CACNA2D1: variants seen among roughly 807,000 people sequenced by gnomAD.
CACNA2D1 encodes voltage-dependent calcium channel subunit alpha-2/delta-1.
CACNA2D1 carries 53 observed loss-of-function variants against 171.5 expected under a neutral mutation model. The observed-to-expected ratio is 0.31, with a 90% CI of 0.25 to 0.39. The LOEUF is 0.39. Ranked by LOEUF, CACNA2D1 falls within the 10% of genes least tolerant of loss-of-function variation. CACNA2D1 has a pLI of 1.00. For missense variants in CACNA2D1, 903 were observed against 1,299.8 expected, an observed-to-expected ratio of 0.69 and a Z score of 4.69; for synonymous variants, 442 against 443.1, an observed-to-expected ratio of 1.00 and a Z score of 0.03.
chr7:82,395,940 A>G (rs1825712368), intron 1 of CACNA2D1, among the ~76,000 whole-genome samples: 2 of 152,190 alleles, frequency 1.3e-5, no homozygotes, highest in African/African-American at 4.8e-5. Context: ...AAGGGAGATG[A>G]TATATGTGAA....
intron 3 of CACNA2D1, among the ~76,000 whole-genome samples, chr7:82,235,032 C>A (rs568048251): frequency 6.6e-6 from 1 of 152,096 alleles, no homozygotes. Context: ...AACCTGATGA[C>A]CTGAGGTGAA....
chr7:82,060,171 TATATATA>T (rs1562981132), intron 10 of CACNA2D1, among the ~76,000 whole-genome samples: 1 of 29,580 alleles, frequency 3.4e-5, no homozygotes, highest in Non-Finnish European at 5.9e-5. Context: ...ATATAATATA[TATATATA>T]ATATATATAT....
At chr7:82,033,708 T>C (rs921746149) in intron 11 of CACNA2D1, among the ~76,000 whole-genome samples, 1 of 152,094 alleles carries the variant, frequency 6.6e-6, no homozygotes, top group Non-Finnish European at 1.5e-5. Flanking sequence ...TCTTACACTT[T>C]AAGGTCTCCA....
intron 3 of CACNA2D1, among the ~76,000 whole-genome samples, chr7:82,254,500 C>T (rs926677617): frequency 3.9e-5 from 6 of 151,984 alleles, no homozygotes; most frequent in African/African-American, 1.2e-4. Flanking sequence ...TTAATTAATA[C>T]ATCCATCATC....
intron 38 of CACNA2D1, among the ~76,000 whole-genome samples, chr7:81,951,827 G>A (rs1165304980): frequency 6.6e-6 from 1 of 151,988 alleles, no homozygotes; most frequent in African/African-American, 2.4e-5. Flanking sequence ...TTCATAAAAT[G>A]ACTTCTTTTC....
intron 1 of CACNA2D1, among the ~76,000 whole-genome samples, chr7:82,368,293 C>T (rs994505954): frequency 1.1e-4 from 17 of 152,178 alleles, no homozygotes; most frequent in Non-Finnish European, 2.2e-4. Context: ...TTAGATTCTT[C>T]AGAGAAAAGC....
intron 4 of CACNA2D1, among the ~76,000 whole-genome samples, chr7:82,150,422 TAAAA>T (rs3839798): frequency 2.1e-5 from 3 of 140,730 alleles, no homozygotes; most frequent in Admixed American, 7.1e-5. Flanking sequence ...AGCTTTCCCT[TAAAA>T]AAAAAAAAAA....
At chr7:82,161,558 A>G (rs937403362) in intron 4 of CACNA2D1, among the ~76,000 whole-genome samples, 6 of 152,182 alleles carry the variant, frequency 3.9e-5, no homozygotes, top group African/African-American at 1.4e-4. Context: ...GATTAACTAC[A>G]TGTGGAGTTA....
chr7:82,204,467 T>C (rs530831551), intron 3 of CACNA2D1, among the ~76,000 whole-genome samples: 183 of 152,224 alleles, frequency 1.2e-3, no homozygotes, highest in Non-Finnish European at 3.1e-4. Flanking sequence ...CCCTTAAAGG[T>C]AGGGAAATAA....
At chr7:82,265,952 G>C (rs569737488) in intron 3 of CACNA2D1, among the ~76,000 whole-genome samples, 1 of 151,972 alleles carries the variant, frequency 6.6e-6, no homozygotes, top group East Asian at 1.9e-4. Context: ...CTCCAACTCC[G>C]TCTGTATGAT....
At chr7:82,382,971 C>T (rs1823875216) in intron 1 of CACNA2D1, among the ~76,000 whole-genome samples, 1 of 152,132 alleles carries the variant, frequency 6.6e-6, no homozygotes, top group Non-Finnish European at 1.5e-5. Flanking sequence ...GACATTCAGC[C>T]ATTCAATACT....
At chr7:82,272,377 G>C (rs1156373474) in intron 3 of CACNA2D1, among the ~76,000 whole-genome samples, 1 of 152,164 alleles carries the variant, frequency 6.6e-6, no homozygotes, top group East Asian at 1.9e-4. Context: ...TTACTGTAGT[G>C]GCTTAAACAT....
At chr7:82,424,943 T>C (rs974046928) in intron 1 of CACNA2D1, among the ~76,000 whole-genome samples, 4 of 152,208 alleles carry the variant, frequency 2.6e-5, no homozygotes, top group East Asian at 1.9e-4. Flanking sequence ...CTGTCTAATA[T>C]AACACTTGTG....
chr7:82,092,682 C>G (rs1280724886), intron 6 of CACNA2D1, among the ~76,000 whole-genome samples: 1 of 151,512 alleles, frequency 6.6e-6, no homozygotes, highest in Non-Finnish European at 1.5e-5. Context: ...TGTGAGCCAC[C>G]ATGCCCGGCC....
At chr7:82,279,013 C>T (rs1239834205) in intron 3 of CACNA2D1, among the ~76,000 whole-genome samples, 1 of 152,172 alleles carries the variant, frequency 6.6e-6, no homozygotes, top group African/African-American at 2.4e-5. Context: ...AAGCTTCCAA[C>T]CTTCCCTCAG....
intron 7 of CACNA2D1, among the ~76,000 whole-genome samples, chr7:82,071,740 A>G (rs895665803): frequency 1.3e-5 from 2 of 152,156 alleles, no homozygotes; most frequent in Non-Finnish European, 2.9e-5. Context: ...AGTCCTCAAG[A>G]CTGCCCTGCC....
chr7:82,038,260 T>C (rs1803544881), intron 10 of CACNA2D1, 25 bp from the exon 11 acceptor site: 1 of 1,592,468 alleles, frequency 6.3e-7, no homozygotes, highest in South Asian at 1.1e-5. Flanking sequence ...AAAGTAAATA[T>C]ATAAATGAAC....
chr7:82,245,656 T>C lies in CACNA2D1; in HGVS notation c.295-75047A>G, dbSNP rs1187738043. 4.5e-3 allele frequency among the ~76,000 whole-genome samples: 219 copies of C among 48,808 alleles called. 1 individual carries two copies. Among genetic ancestry groups the C allele is most frequent in the African/African-American group, 0.031 (212 of 6,938 alleles). 32.0% of individuals were successfully genotyped at this position (48,808 alleles called of 152,430 possible). A position where few individuals can be genotyped will look rare whatever the true frequency, so the allele number is the denominator to read the frequency against. On this transcript the variant is annotated intron_variant, in intron 3 of 38. Transcript: ENST00000356860. ...CACACAAAATGTCTCTCTCTCTCTC[T>C]CTCTCTCACACACACACACACACAC...
chr7:82,322,560 A>G (rs1022474755), intron 3 of CACNA2D1, among the ~76,000 whole-genome samples: 1 of 152,076 alleles, frequency 6.6e-6, no homozygotes, highest in Non-Finnish European at 1.5e-5. Context: ...TCAAGGTTGC[A>G]GTGAGCCATA....
Sources: gnomAD v4.1 joint callset for allele counts (sites outside exome capture counted in the v4.1 genomes callset) on GRCh38, gnomAD v4.1.1 for gene constraint, MANE v1.5 for transcripts, NCBI Gene and HGNC (gene_info 2026-07-23, HGNC 2026-07-21) for gene names.